CRTC3: variants seen among roughly 807,000 people sequenced by gnomAD.
CRTC3 encodes CREB regulated transcription coactivator 3.
In CRTC3, 26 loss-of-function variants were observed where a neutral mutation model predicts 74.5. That is an observed-to-expected ratio of 0.35 (90% CI 0.26 to 0.48). The LOEUF is 0.48. CRTC3 is among the 20% of genes least tolerant of loss of function. CRTC3 has a pLI of 0.99. For synonymous variants in CRTC3, 377 were observed against 325.8 expected (o/e 1.16, Z -1.69); for missense variants, 760 against 787.3 (o/e 0.97, Z 0.41).
chr15:90,586,626 C>T (rs1967671798), intron 2 of CRTC3, among the ~76,000 whole-genome samples: 1 of 152,014 alleles, frequency 6.6e-6, no homozygotes, highest in African/African-American at 2.4e-5. Flanking sequence ...TCCCAAAGTG[C>T]TGGGATTATA....
chr15:90,590,689 C>T (rs1967779638), intron 2 of CRTC3, among the ~76,000 whole-genome samples: 1 of 152,064 alleles, frequency 6.6e-6, no homozygotes, highest in Non-Finnish European at 1.5e-5. Flanking sequence ...TTCTGGCTTC[C>T]CTAACTGAAC....
intron 5 of CRTC3, among the ~76,000 whole-genome samples, chr15:90,605,905 A>G (rs572624260): frequency 1.3e-5 from 2 of 152,380 alleles, no homozygotes; most frequent in South Asian, 4.1e-4. Context: ...AGAATTTCAG[A>G]AATTTGCTAT....
chr15:90,634,769 A>C, intron 11 of CRTC3: 1 of 1,116,368 alleles, frequency 9.0e-7, no homozygotes, highest in Non-Finnish European at 1.4e-6. Context: ...TCTCTGACTG[A>C]GTATTGGTTG....
At chr15:90,540,384 G>A (rs920144573) in intron 2 of CRTC3, among the ~76,000 whole-genome samples, 40 of 152,160 alleles carry the variant, frequency 2.6e-4, no homozygotes, top group African/African-American at 9.2e-4. Context: ...AAATGTTCTA[G>A]TAGCTACATT....
chr15:90,573,925 A>G (rs1459482699), intron 2 of CRTC3, among the ~76,000 whole-genome samples: 1 of 152,210 alleles, frequency 6.6e-6, no homozygotes, highest in Non-Finnish European at 1.5e-5. Context: ...GCAAATGTGA[A>G]TATATAGTCC....
chr15:90,608,888 A>G (rs1968294847), intron 6 of CRTC3, among the ~76,000 whole-genome samples: 1 of 152,232 alleles, frequency 6.6e-6, no homozygotes, highest in South Asian at 2.1e-4. Context: ...ATAATCTAGA[A>G]AGAACAATGG....
chr15:90,613,027 C>G (rs574052472), intron 6 of CRTC3, among the ~76,000 whole-genome samples: 1 of 151,936 alleles, frequency 6.6e-6, no homozygotes, highest in Non-Finnish European at 1.5e-5. Context: ...GGTGAAACCC[C>G]GTCTCTACCA....
chr15:90,625,607 G>A (rs931362018), intron 9 of CRTC3, among the ~76,000 whole-genome samples, 169 bp from the exon 10 acceptor site: 7 of 152,068 alleles, frequency 4.6e-5, no homozygotes, highest in East Asian at 1.9e-4. Context: ...TATGTGTTTC[G>A]GAGAGGTTAA....
intron 1 of CRTC3, among the ~76,000 whole-genome samples, chr15:90,532,282 G>A (rs6496684): frequency 0.89 from 134,956 of 152,242 alleles, 60,026 homozygotes; most frequent in Middle Eastern, 0.92. Context: ...TTATTTTCAT[G>A]AAGAAATCAC....
intron 1 of CRTC3, among the ~76,000 whole-genome samples, chr15:90,531,383 G>A (rs892097698): frequency 1.3e-5 from 2 of 152,140 alleles, no homozygotes; most frequent in African/African-American, 4.8e-5. Flanking sequence ...TTCAAATGGA[G>A]TAAGAACTCT....
rs1966775122 is a variant in CRTC3 at position 90,539,836 on chromosome 15, G to A, written c.133-203G>A. On this transcript the variant is annotated intron_variant, in intron 1 of 14. Transcript: ENST00000268184. Reference sequence around the variant, plus strand: ...ACTATCATGGTATATGGGACATTTGGAACATGGGTAAGCTCTTTCCGAAAA... The same window carrying A: ...ACTATCATGGTATATGGGACATTTGAAACATGGGTAAGCTCTTTCCGAAAA... The A allele has an allele frequency of 2.0e-5, 11 of 553,764 alleles. 1 individual carries two copies. In the South Asian group the frequency reaches 2.4e-4, roughly 12 times the overall value. 34.3% of individuals were successfully genotyped at this position (553,764 alleles called of 1,614,324 possible).
chr15:90,593,268 T>C (rs1271929613), intron 2 of CRTC3, among the ~76,000 whole-genome samples: 1 of 152,230 alleles, frequency 6.6e-6, no homozygotes, highest in Non-Finnish European at 1.5e-5. Context: ...AACAAATAGG[T>C]GCCTCGTGGC....
chr15:90,592,842 C>T (rs1418932613), intron 2 of CRTC3, among the ~76,000 whole-genome samples: 2 of 152,118 alleles, frequency 1.3e-5, no homozygotes, highest in African/African-American at 2.4e-5. Flanking sequence ...GAGTGCGGCT[C>T]ATTGTGGCCA....
rs11426969 is a variant in CRTC3, at chr15:90,541,782, C to CTTTTTTTT, written c.231+1652_231+1653insTTTTTTTT. On this transcript the variant is annotated intron_variant, in intron 2 of 14. Coordinates refer to ENST00000268184, the MANE Select transcript of CRTC3 (RefSeq NM_022769.5). ...GATAATCCTTGGCCTTCCCAGGATTCTTTTTTTCTTTTTTTTTTTTTGAGA... is the reference window on the plus strand; with the variant it reads ...GATAATCCTTGGCCTTCCCAGGATTCTTTTTTTTTTTTTTTCTTTTTTTTTTTTTGAGA... Among the ~76,000 whole-genome samples, 35 of 120,094 alleles carry CTTTTTTTT rather than the reference C, an allele frequency of 2.9e-4. 11 individuals are homozygous for CTTTTTTTT. Among genetic ancestry groups the CTTTTTTTT allele is most frequent in the Non-Finnish European group, 2.2e-4 (13 of 59,354 alleles). 78.8% of individuals were successfully genotyped at this position (120,094 alleles called of 152,430 possible).
intron 11 of CRTC3, among the ~76,000 whole-genome samples, chr15:90,630,609 T>A (rs1969001653): frequency 6.6e-6 from 1 of 152,098 alleles, no homozygotes; most frequent in African/African-American, 2.4e-5. Context: ...TGAGACCCTG[T>A]CTCAAAAGAA....
intron 2 of CRTC3, among the ~76,000 whole-genome samples, chr15:90,545,779 T>C (rs7498065): frequency 0.51 from 77,303 of 151,822 alleles, 21,288 homozygotes; most frequent in Non-Finnish European, 0.63. Context: ...GGGGTTTCAC[T>C]GTGTTAGCCA....
intron 13 of CRTC3, 149 bp from the exon 14 acceptor site, chr15:90,640,948 C>A: frequency 1.6e-6 from 1 of 634,826 alleles, no homozygotes. Context: ...CATGCATTAC[C>A]ATAAGAGCAA....
At chr15:90,621,039 T>C (rs1049689666) in intron 9 of CRTC3, among the ~76,000 whole-genome samples, 2 of 152,116 alleles carry the variant, frequency 1.3e-5, no homozygotes, top group Admixed American at 1.3e-4. Context: ...CCAGGACGCA[T>C]GCCCAACAAA....
chr15:90,541,066 C>T (rs1966794786), intron 2 of CRTC3, among the ~76,000 whole-genome samples: 1 of 152,146 alleles, frequency 6.6e-6, no homozygotes, highest in Admixed American at 6.6e-5. Context: ...TTTCATCGTT[C>T]ACATCAGTGG....
Sources: gnomAD v4.1 joint callset for allele counts (sites outside exome capture counted in the v4.1 genomes callset) on GRCh38, gnomAD v4.1.1 for gene constraint, MANE v1.5 for transcripts, NCBI Gene and HGNC (gene_info 2026-07-23, HGNC 2026-07-21) for gene names.